COMMD1: variants seen among roughly 807,000 people sequenced by gnomAD.
The protein encoded by COMMD1 is copper metabolism domain containing 1.
COMMD1 carries 10 observed loss-of-function variants against 17.2 expected under a neutral mutation model. The ratio of observed to expected loss-of-function variants is 0.58; its 90% CI spans 0.36 to 0.99. The LOEUF is 0.99. Among genes scored for constraint, COMMD1 ranks in the 50% least tolerant of loss-of-function variants. The pLI is 0.01. For synonymous variants in COMMD1, 97 were observed against 91.6 expected (o/e 1.06, Z -0.34); for missense variants, 270 against 231.8 (o/e 1.17, Z -1.07).
intron 2 of COMMD1, among the ~76,000 whole-genome samples, chr2:62,132,882 A>G (rs1412153966): frequency 6.6e-6 from 1 of 152,144 alleles, no homozygotes; most frequent in Non-Finnish European, 1.5e-5. Context: ...TAAAGCCCTC[A>G]ATAAAACTGA....
intron 1 of COMMD1, among the ~76,000 whole-genome samples, chr2:61,940,483 G>A (rs1670714839): frequency 1.3e-5 from 2 of 152,082 alleles, no homozygotes; most frequent in South Asian, 4.1e-4. Context: ...TACCTTTTCT[G>A]GTAAAAAAGG....
intron 1 of COMMD1, among the ~76,000 whole-genome samples, chr2:61,930,232 A>G (rs1041755982): frequency 3.3e-5 from 5 of 152,140 alleles, no homozygotes; most frequent in African/African-American, 4.8e-5. Flanking sequence ...TCTGGCATCC[A>G]GAACTGATTA....
At chr2:62,101,802 C>T (rs1384654962) in intron 2 of COMMD1, among the ~76,000 whole-genome samples, 1 of 152,212 alleles carries the variant, frequency 6.6e-6, no homozygotes, top group South Asian at 2.1e-4. Context: ...AGGTACACCA[C>T]CCTTTCAGCA....
At chr2:61,899,964 G>T (rs187207278) in intron 1 of COMMD1, among the ~76,000 whole-genome samples, 1 of 152,292 alleles carries the variant, frequency 6.6e-6, no homozygotes, top group East Asian at 1.9e-4. Context: ...GAGCCACCGC[G>T]CCCAGCCTGT....
intron 2 of COMMD1, among the ~76,000 whole-genome samples, chr2:62,002,825 C>T (rs1668988640): frequency 6.6e-6 from 1 of 151,738 alleles, no homozygotes; most frequent in Non-Finnish European, 1.5e-5. Context: ...CACTGTACTC[C>T]AGGCTGGGTG....
intron 1 of COMMD1, among the ~76,000 whole-genome samples, chr2:61,966,126 T>A (rs1671498850): frequency 6.6e-6 from 1 of 152,244 alleles, no homozygotes; most frequent in Admixed American, 6.5e-5. Context: ...ATGCTATGGA[T>A]GTATTTAACC....
rs1002393609 is a variant in COMMD1, at chr2:62,042,641, T to A, written c.462+41659T>A. On this transcript the variant is annotated intron_variant, in intron 2 of 2. Transcript: ENST00000311832. ...CCCCGCGAGCAGGGGGAGCCGGCTC[T>A]GGCCTCAGCCAGCCCCGGCGACGGG... 8.5e-5 allele frequency among the ~76,000 whole-genome samples: 13 copies of A among 152,266 alleles called. No homozygotes were observed. In the East Asian group the frequency reaches 2.3e-3, roughly 27 times the overall value.
chr2:62,030,415 A>G (rs556942666), intron 2 of COMMD1, among the ~76,000 whole-genome samples: 4 of 152,254 alleles, frequency 2.6e-5, no homozygotes, highest in African/African-American at 4.8e-5. Flanking sequence ...TGAAGCCTAC[A>G]GTTTGGGGAT....
intron 1 of COMMD1, among the ~76,000 whole-genome samples, chr2:61,996,569 G>A (rs755729301): frequency 8.5e-5 from 13 of 152,056 alleles, no homozygotes; most frequent in Non-Finnish European, 1.6e-4. Context: ...TTCCAAATTG[G>A]AGTCAGTTCT....
intron 1 of COMMD1, among the ~76,000 whole-genome samples, chr2:61,955,500 C>CT (rs1671175129): frequency 6.6e-6 from 1 of 151,964 alleles, no homozygotes; most frequent in Non-Finnish European, 1.5e-5. Flanking sequence ...TTAGTTTGTC[C>CT]TTTTATTGGT....
intron 1 of COMMD1, among the ~76,000 whole-genome samples, chr2:61,964,910 C>T (rs1291756142): frequency 6.6e-6 from 1 of 152,084 alleles, no homozygotes; most frequent in African/African-American, 2.4e-5. Flanking sequence ...GTGCTGCATG[C>T]CTGTAGTCCC....
intron 1 of COMMD1, among the ~76,000 whole-genome samples, chr2:61,952,198 A>G (rs1042765812): frequency 6.6e-6 from 1 of 152,238 alleles, no homozygotes; most frequent in African/African-American, 2.4e-5. Flanking sequence ...AAGCAAGGAT[A>G]ATATTCCTTT....
chr2:62,126,503 T>A (rs1205641725), intron 2 of COMMD1, among the ~76,000 whole-genome samples: 1 of 152,216 alleles, frequency 6.6e-6, no homozygotes, highest in Non-Finnish European at 1.5e-5. Context: ...TGGTTTTGAT[T>A]TGCATTTCTC....
At chr2:62,031,272 T>G (rs548924891) in intron 2 of COMMD1, among the ~76,000 whole-genome samples, 8 of 152,218 alleles carry the variant, frequency 5.3e-5, no homozygotes, top group Non-Finnish European at 1.5e-5. Context: ...CAAAATATAA[T>G]TAAATCCTAA....
chr2:62,065,338 C>CTTTTT (rs57243558), intron 2 of COMMD1, among the ~76,000 whole-genome samples: 1 of 44,378 alleles, frequency 2.3e-5, no homozygotes, highest in African/African-American at 7.5e-5. Flanking sequence ...TATGTACTTA[C>CTTTTT]TTTTTTTTTT....
intron 2 of COMMD1, among the ~76,000 whole-genome samples, chr2:62,016,963 A>G (rs1437928953): frequency 6.6e-6 from 1 of 152,220 alleles, no homozygotes; most frequent in Non-Finnish European, 1.5e-5. Context: ...AAACAGAAAA[A>G]AGGACTTCTG....
At chr2:61,897,774 C>T (rs991750103) in intron 1 of COMMD1, among the ~76,000 whole-genome samples, 1 of 152,022 alleles carries the variant, frequency 6.6e-6, no homozygotes, top group South Asian at 2.1e-4. Context: ...ATATATTGGC[C>T]ATTACATGTA....
chr2:61,999,300 C>T (rs1200305327), intron 1 of COMMD1, among the ~76,000 whole-genome samples: 2 of 152,146 alleles, frequency 1.3e-5, no homozygotes, highest in African/African-American at 2.4e-5. Flanking sequence ...ACTGTGTCTT[C>T]TTGGATGCTG....
At chr2:62,122,841 A>C (rs2104078917) in intron 2 of COMMD1, among the ~76,000 whole-genome samples, 1 of 152,346 alleles carries the variant, frequency 6.6e-6, no homozygotes, top group East Asian at 1.9e-4. Context: ...TCTTCTTGGA[A>C]AGTTAAACAA....
Sources: allele counts gnomAD v4.1 joint callset (sites outside exome capture counted in the v4.1 genomes callset), GRCh38; gene constraint gnomAD v4.1.1; transcripts MANE v1.5; gene names NCBI Gene and HGNC (gene_info 2026-07-23, HGNC 2026-07-21).